MALRD1: variants seen among roughly 807,000 people sequenced by gnomAD.
MALRD1 encodes the protein MAM and LDL-receptor class A domain-containing protein 1.
Under a neutral mutation model 242.1 loss-of-function variants are expected in MALRD1, and 247 were observed. That is an observed-to-expected ratio of 1.02 (90% CI 0.92 to 1.13). The LOEUF (loss-of-function observed/expected upper bound fraction) is 1.13, where lower values mean the gene tolerates loss of function less well. MALRD1 is among the 50% of genes most tolerant of loss of function. The pLI, the probability that MALRD1 is intolerant of heterozygous loss-of-function variation, is 0.00. For missense variants in MALRD1, 2,989 were observed against 2,533.1 expected (o/e 1.18, Z -3.86); for synonymous variants, 995 against 866.6 (o/e 1.15, Z -2.60).
At chr10:19,141,371 G>A (rs1368961680) in intron 10 of MALRD1, among the ~76,000 whole-genome samples, 1 of 152,094 alleles carries the variant, frequency 6.6e-6, no homozygotes, top group Non-Finnish European at 1.5e-5. Context: ...TGGTTCCCAG[G>A]GTTTGAGGGG....
At chr10:19,184,710 G>A (rs1312812712) in intron 14 of MALRD1, among the ~76,000 whole-genome samples, 2 of 152,060 alleles carry the variant, frequency 1.3e-5, no homozygotes, top group Non-Finnish European at 2.9e-5. Context: ...ACCGTGCCCA[G>A]CTAATTTTTG....
intron 18 of MALRD1, among the ~76,000 whole-genome samples, chr10:19,252,854 A>G (rs1478966518): frequency 6.6e-6 from 1 of 152,004 alleles, no homozygotes; most frequent in Non-Finnish European, 1.5e-5. Context: ...TCTGAGTTTT[A>G]TTTCATAGAG....
Position 19,507,741 on chromosome 10 carries a change from G to A in MALRD1, c.5320+9095G>A, listed in dbSNP as rs576254048. 2.6e-5 allele frequency among the ~76,000 whole-genome samples: 4 copies of A among 152,272 alleles called. No homozygotes were observed. The East Asian group carries it at 5.8e-4, about 22-fold the overall frequency. The stretch of plus-strand genomic sequence containing the variant: ...ATAATAATAAAATTAAATCCTGAGA[G>A]TATTAAAGTGAAACATTTGGGATTT... On this transcript the variant is annotated intron_variant, in intron 31 of 39. Transcript: ENST00000454679.
chr10:19,388,071 C>G (rs1300700815), intron 27 of MALRD1, among the ~76,000 whole-genome samples: 1 of 152,052 alleles, frequency 6.6e-6, no homozygotes, highest in Non-Finnish European at 1.5e-5. Flanking sequence ...CTTCCATGTC[C>G]CCTCTTAGAT....
At chr10:19,634,290 GA>G (rs1554817682) in intron 36 of MALRD1, among the ~76,000 whole-genome samples, 1 of 152,158 alleles carries the variant, frequency 6.6e-6, no homozygotes, top group Non-Finnish European at 1.5e-5. Flanking sequence ...GAAGAAGAAC[GA>G]AAATGTCAGC....
intron 38 of MALRD1, among the ~76,000 whole-genome samples, chr10:19,714,008 A>C (rs915562599): frequency 1.3e-5 from 2 of 151,950 alleles, no homozygotes; most frequent in African/African-American, 4.8e-5. Flanking sequence ...ATCCGACCCC[A>C]TGGCAGTGTC....
intron 2 of MALRD1, among the ~76,000 whole-genome samples, chr10:19,081,197 A>G (rs1835479620): frequency 6.6e-6 from 1 of 152,144 alleles, no homozygotes; most frequent in Non-Finnish European, 1.5e-5. Context: ...ATTGTGGAAG[A>G]CAGTGTGGCA....
Position 19,088,501 on chromosome 10 carries a change from C to T in MALRD1, c.597+316C>T, listed in dbSNP as rs1035683292. Among the ~76,000 whole-genome samples, 4 of 145,722 alleles carry T rather than the reference C, an allele frequency of 2.7e-5. No individual in the cohort carries two copies. In the South Asian group the frequency reaches 8.8e-4, roughly 32 times the overall value. Reference sequence around the variant, plus strand: ...TCTTGAACCCCCTCCATTTTCCTCTCTACTTTTCTTACTGCTCCAACTTCC... The same window carrying T: ...TCTTGAACCCCCTCCATTTTCCTCTTTACTTTTCTTACTGCTCCAACTTCC... On this transcript the variant is annotated intron_variant, in intron 4 of 39. Transcript: ENST00000454679.
At chr10:19,146,395 T>G in intron 11 of MALRD1, 51 bp downstream of exon 11, 1 of 1,194,400 alleles carries the variant, frequency 8.4e-7, no homozygotes, top group Non-Finnish European at 1.0e-6. Context: ...TTGCATGTTG[T>G]GGAATGATGA....
At chr10:19,618,594 C>G (rs1382558323) in intron 36 of MALRD1, among the ~76,000 whole-genome samples, 1 of 151,962 alleles carries the variant, frequency 6.6e-6, no homozygotes, top group Admixed American at 6.6e-5. Context: ...TGATGTTGGG[C>G]TTTTTTTCAT....
At chr10:19,574,610 G>C (rs184138856) in intron 33 of MALRD1, among the ~76,000 whole-genome samples, 115 of 152,298 alleles carry the variant, frequency 7.6e-4, no homozygotes, top group Middle Eastern at 3.4e-3. Context: ...ATTTTGGAGA[G>C]CTTGGTCTAA....
At chr10:19,516,066 G>T (rs1833614935) in intron 31 of MALRD1, among the ~76,000 whole-genome samples, 1 of 152,094 alleles carries the variant, frequency 6.6e-6, no homozygotes, top group Non-Finnish European at 1.5e-5. Context: ...TTAATATAGA[G>T]ATAACATAAG....
At chr10:19,529,532 C>T (rs1207546741) in intron 31 of MALRD1, among the ~76,000 whole-genome samples, 2 of 66,784 alleles carry the variant, frequency 3.0e-5, no homozygotes, top group African/African-American at 1.4e-4. Context: ...CCAGAGAAGA[C>T]AGAAAAAAAC....
chr10:19,645,711 C>T (rs1303924731), intron 36 of MALRD1, among the ~76,000 whole-genome samples: 1 of 151,882 alleles, frequency 6.6e-6, no homozygotes, highest in Non-Finnish European at 1.5e-5. Context: ...GGGAACATCA[C>T]ACTCCAGGGA....
chr10:19,436,908 C>A (rs927854702), intron 28 of MALRD1, among the ~76,000 whole-genome samples: 1 of 152,160 alleles, frequency 6.6e-6, no homozygotes, highest in Non-Finnish European at 1.5e-5. Flanking sequence ...TCCCCTGTTG[C>A]TCACCTATTC....
intron 18 of MALRD1, among the ~76,000 whole-genome samples, chr10:19,241,732 A>G (rs1432936925): frequency 2.0e-5 from 3 of 152,034 alleles, no homozygotes; most frequent in East Asian, 3.9e-4. Flanking sequence ...GCTACGTTCC[A>G]TAGGTTTGGG....
intron 33 of MALRD1, among the ~76,000 whole-genome samples, chr10:19,581,698 A>C (rs1279327161): frequency 2.7e-5 from 4 of 150,158 alleles, no homozygotes; most frequent in African/African-American, 9.8e-5. Flanking sequence ...ATGTGTCTTT[A>C]TAGCAGCATG....
chr10:19,191,376 C>T (rs1012047179), intron 14 of MALRD1, among the ~76,000 whole-genome samples: 13 of 152,142 alleles, frequency 8.5e-5, no homozygotes, highest in African/African-American at 3.1e-4. Flanking sequence ...GGAATCAGAA[C>T]TCTTGTGCAC....
intron 1 of MALRD1, among the ~76,000 whole-genome samples, chr10:19,059,232 C>T (rs1242220663): frequency 6.6e-6 from 1 of 152,106 alleles, no homozygotes; most frequent in East Asian, 1.9e-4. Context: ...ACCATGATTA[C>T]CCATCAATAT....
Sources: gnomAD v4.1 joint callset for allele counts (sites outside exome capture counted in the v4.1 genomes callset) on GRCh38, gnomAD v4.1.1 for gene constraint, MANE v1.5 for transcripts, NCBI Gene and HGNC (gene_info 2026-07-23, HGNC 2026-07-21) for gene names.